GALNT18: variants seen among roughly 807,000 people sequenced by gnomAD.
The protein encoded by GALNT18 is polypeptide N-acetylgalactosaminyltransferase 18, also known as GalNAc-transferase 18.
In GALNT18, 44 loss-of-function variants were observed where a neutral mutation model predicts 69.5. That is an observed-to-expected ratio of 0.63 (90% CI 0.50 to 0.81). The LOEUF is 0.81. Ranked by LOEUF, GALNT18 falls within the 40% of genes least tolerant of loss-of-function variation. The pLI is 0.00. For synonymous variants in GALNT18, 364 were observed against 318.2 expected (o/e 1.14, Z -1.53); for missense variants, 715 against 810.0 (o/e 0.88, Z 1.42).
At chr11:11,492,176 A>G (rs1274326441) in intron 1 of GALNT18, among the ~76,000 whole-genome samples, 2 of 152,234 alleles carry the variant, frequency 1.3e-5, no homozygotes, top group African/African-American at 2.4e-5. Context: ...GCATCCTGGT[A>G]TCAGGCAAAG....
At chr11:11,485,249 C>T (rs1291282920) in intron 1 of GALNT18, among the ~76,000 whole-genome samples, 1 of 152,206 alleles carries the variant, frequency 6.6e-6, no homozygotes, top group African/African-American at 2.4e-5. Flanking sequence ...TGGTTGAGGG[C>T]TAAGTCCCAC....
chr11:11,495,053 C>T (rs1018788212), intron 1 of GALNT18, among the ~76,000 whole-genome samples: 24 of 151,762 alleles, frequency 1.6e-4, no homozygotes, highest in African/African-American at 2.2e-4. Context: ...AAAAAAAATC[C>T]GAAATTACAT....
At position 11,601,863 on chromosome 11, in the gene GALNT18, C is replaced by T. The variant is rs1433578709; in HGVS notation, c.235+19496G>A. ...GAAATGACGTTATTTGAGGACCTGC[C>T]TGATTTGCTTAAAGTCACAATTTCT... On this transcript the variant is annotated intron_variant, in intron 1 of 10. Transcript: ENST00000227756. The surrounding 1 kb of genome is among the most constrained non-coding windows in gnomAD (Gnocchi z 4.0). 6.6e-6 allele frequency among the ~76,000 whole-genome samples: 1 copy of T among 152,062 alleles called. No homozygotes were observed. The highest frequency in any genetic ancestry group is 1.5e-5 in the Non-Finnish European group (1 of 68,018).
At chr11:11,367,193 G>C (rs1850792488) in intron 6 of GALNT18, among the ~76,000 whole-genome samples, 1 of 152,164 alleles carries the variant, frequency 6.6e-6, no homozygotes, top group Non-Finnish European at 1.5e-5. Flanking sequence ...AGAAGAAGCA[G>C]TTAAAAGGGG....
rs908842808 is a variant in GALNT18, at chr11:11,372,055, G to T, written c.1092+460C>A. ...GCATCTTGCTGTTTATACACCCTGA[G>T]TTTATTTCTCTGGGCTATCTCTTAA... On this transcript the variant is annotated intron_variant, in intron 6 of 10. Coordinates refer to ENST00000227756, the MANE Select transcript of GALNT18 (RefSeq NM_198516.3). The surrounding 1 kb of genome is among the most constrained non-coding windows in gnomAD (Gnocchi z 4.9). Among the ~76,000 whole-genome samples, 1 of 152,186 alleles carries T rather than the reference G, an allele frequency of 6.6e-6. No homozygotes were observed. Among genetic ancestry groups the T allele is most frequent in the African/African-American group, 2.4e-5 (1 of 41,440 alleles).
chr11:11,428,121 C>G (rs1007066228), intron 3 of GALNT18, among the ~76,000 whole-genome samples: 2 of 152,212 alleles, frequency 1.3e-5, no homozygotes, highest in Non-Finnish European at 2.9e-5. Flanking sequence ...GCTGAGTTGG[C>G]CTGATTTGAA....
chr11:11,503,444 C>G (rs911178783), intron 1 of GALNT18, among the ~76,000 whole-genome samples: 11 of 152,204 alleles, frequency 7.2e-5, no homozygotes, highest in Admixed American at 5.2e-4. Context: ...GTGCCCACCT[C>G]CACTGCAATT....
At position 11,595,052 on chromosome 11, in the gene GALNT18, T is replaced by A. The variant is rs1281590721; in HGVS notation, c.235+26307A>T. On this transcript the variant is annotated intron_variant, in intron 1 of 10. Transcript: ENST00000227756. The surrounding 1 kb of genome is among the most constrained non-coding windows in gnomAD (Gnocchi z 5.2). ...AATGAATATATACATATATATTCAT[T>A]CCTAGAATTGAAATTACCTGGTCAC... Among the ~76,000 whole-genome samples the A allele has an allele frequency of 1.3e-5, 2 of 151,534 alleles. No individual in the cohort carries two copies. Among genetic ancestry groups the A allele is most frequent in the Middle Eastern group, 3.4e-3 (1 of 294 alleles).
In GALNT18 at chr11:11,360,187, A is replaced by T. The variant is rs1412211701; in HGVS notation, c.1092+12328T>A. ...CAAATCTCAGACGTCCCAGACCTTG[A>T]CAGGTCAATGTTGACAGGTCAAATC... On this transcript the variant is annotated intron_variant, in intron 6 of 10. Coordinates refer to ENST00000227756, the MANE Select transcript of GALNT18 (RefSeq NM_198516.3). Among the ~76,000 whole-genome samples the T allele has an allele frequency of 1.2e-4, 19 of 152,324 alleles. No individual in the cohort carries two copies. The East Asian group carries it at 3.3e-3, about 26-fold the overall frequency.
intron 3 of GALNT18, among the ~76,000 whole-genome samples, chr11:11,395,550 G>A (rs563320158): frequency 4.6e-5 from 7 of 152,232 alleles, no homozygotes; most frequent in Non-Finnish European, 8.8e-5. Context: ...GGACCTCAGG[G>A]AGCTTTAGGT....
At chr11:11,378,051 G>A (rs1853816515) in intron 4 of GALNT18, among the ~76,000 whole-genome samples, 2 of 152,204 alleles carry the variant, frequency 1.3e-5, no homozygotes, top group Non-Finnish European at 2.9e-5. Flanking sequence ...ATTCAAATCA[G>A]CTTGAAATAG....
At position 11,288,096 on chromosome 11, in the gene GALNT18, G is replaced by T. The variant is rs974089359; in HGVS notation, c.1677+4933C>A. On this transcript the variant is annotated intron_variant, in intron 10 of 10. Transcript: ENST00000227756. Reference sequence around the variant, plus strand: ...ATCCACCTGCTTTCAGCTGCCAGGGGGATTTTGCACACCCCACCATGGAAA... The same window carrying T: ...ATCCACCTGCTTTCAGCTGCCAGGGTGATTTTGCACACCCCACCATGGAAA... 2.6e-5 allele frequency among the ~76,000 whole-genome samples: 4 copies of T among 152,066 alleles called. No individual in the cohort carries two copies. The South Asian group carries it at 8.3e-4, about 32-fold the overall frequency.
intron 9 of GALNT18, among the ~76,000 whole-genome samples, chr11:11,321,351 G>A (rs1055238448): frequency 1.2e-4 from 18 of 152,178 alleles, no homozygotes; most frequent in African/African-American, 4.3e-4. Context: ...GAACTTAATG[G>A]TGACTGTACA....
chr11:11,493,347 G>A lies in GALNT18; in HGVS notation c.236-44411C>T, dbSNP rs1028440479. Reference sequence around the variant, plus strand: ...TTCCTCTATTGGGTGGATCTTTTTGGGCAGCTTCTCTTCACAGCCTAAAGC... The same window carrying A: ...TTCCTCTATTGGGTGGATCTTTTTGAGCAGCTTCTCTTCACAGCCTAAAGC... On this transcript the variant is annotated intron_variant, in intron 1 of 10. Transcript: ENST00000227756. Among the ~76,000 whole-genome samples, 10 of 151,366 alleles carry A rather than the reference G, an allele frequency of 6.6e-5. No homozygotes were observed. In the East Asian group the frequency reaches 1.2e-3, roughly 18 times the overall value.
chr11:11,531,915 T>C (rs1417476237), intron 1 of GALNT18, among the ~76,000 whole-genome samples: 2 of 152,206 alleles, frequency 1.3e-5, no homozygotes, highest in Non-Finnish European at 2.9e-5. Flanking sequence ...GTTTTATGTA[T>C]GGATGCACGT....
At chr11:11,473,536 T>C (rs913438459) in intron 1 of GALNT18, among the ~76,000 whole-genome samples, 1 of 149,430 alleles carries the variant, frequency 6.7e-6, no homozygotes, top group African/African-American at 2.4e-5. Flanking sequence ...GGCCTAAAGA[T>C]GGCAGAGTGT....
At chr11:11,418,992 C>A (rs1378171884) in intron 3 of GALNT18, among the ~76,000 whole-genome samples, 1 of 152,156 alleles carries the variant, frequency 6.6e-6, no homozygotes, top group East Asian at 1.9e-4. Context: ...AGGTCACTAC[C>A]CTAGTTGTAG....
chr11:11,539,247 G>A (rs1857853953), intron 1 of GALNT18, among the ~76,000 whole-genome samples: 1 of 152,124 alleles, frequency 6.6e-6, no homozygotes, highest in African/African-American at 2.4e-5. Flanking sequence ...CACCTCTGCT[G>A]CCCCAAAGCA....
In GALNT18 at chr11:11,569,353, C is replaced by A. The variant is rs575690822; in HGVS notation, c.235+52006G>T. Among the ~76,000 whole-genome samples the A allele has an allele frequency of 6.6e-5, 10 of 152,072 alleles. No homozygotes were observed. In the South Asian group the frequency reaches 2.1e-3, roughly 32 times the overall value. On this transcript the variant is annotated intron_variant, in intron 1 of 10. Transcript: ENST00000227756. ...TCTGCCTTGAGTATCTGGGTAAGAC[C>A]ACCACTTGCCCCCACCCCAATACCC...
Sources: gnomAD v4.1 joint callset for allele counts (sites outside exome capture counted in the v4.1 genomes callset) on GRCh38, gnomAD v4.1.1 for gene constraint, Gnocchi (gnomAD v3.1) non-coding constraint, MANE v1.5 for transcripts, NCBI Gene and HGNC (gene_info 2026-07-23, HGNC 2026-07-21) for gene names.